Variants in LRFN2 observed in about 807,000 individuals in gnomAD.
The protein encoded by LRFN2 is leucine rich repeat and fibronectin type III domain containing 2.
In LRFN2, 18 loss-of-function variants were observed where a neutral mutation model predicts 37.3. The ratio of observed to expected loss-of-function variants is 0.48; its 90% confidence interval spans 0.33 to 0.72. The LOEUF (loss-of-function observed/expected upper bound fraction) is 0.72, where lower values mean the gene tolerates loss of function less well. Ranked by LOEUF, LRFN2 falls within the 30% of genes least tolerant of loss-of-function variation. The probability of loss-of-function intolerance (pLI) is 0.02; values close to 1 mark genes in which losing one functional copy is unlikely to be tolerated. For synonymous variants in LRFN2, 556 were observed against 466.6 expected (o/e 1.19, Z -2.47); for missense variants, 1,006 against 1,060.7 (o/e 0.95, Z 0.72).
intron 1 of LRFN2, among the ~76,000 whole-genome samples, chr6:40,552,430 A>G (rs1322090941): frequency 6.6e-6 from 1 of 152,244 alleles, no homozygotes; most frequent in African/African-American, 2.4e-5. Context: ...TTTGAATAGC[A>G]AAGCTCTCTA....
intron 1 of LRFN2, among the ~76,000 whole-genome samples, chr6:40,509,071 A>T (rs1020519529): frequency 5.3e-5 from 8 of 152,084 alleles, no homozygotes; most frequent in Admixed American, 5.2e-4. Flanking sequence ...TGGATTATTC[A>T]CTCATGCACC....
rs1297866973 is a variant in LRFN2 at position 40,391,974 on chromosome 6, C to T, written c.2339G>A (p.Ser780Asn). The change falls in exon 3 of 3, where the codon AGC becomes AAC. Residue 780 changes from serine to asparagine, a missense_variant. Transcript: ENST00000338305. The part of the protein sequence containing the change: ...DLVGARGTFG[S>N]SEWVMESTV ...CGTGCTCTCCATCACCCATTCGGAGCTGCCAAAAGTCCCCCGGGCCCCCAC... is the reference window on the plus strand; with the variant it reads ...CGTGCTCTCCATCACCCATTCGGAGTTGCCAAAAGTCCCCCGGGCCCCCAC... 1 of 1,595,022 alleles carries T rather than the reference C, an allele frequency of 6.3e-7. No homozygotes were observed. The highest frequency in any genetic ancestry group is 1.7e-5 in the Admixed American group (1 of 58,358).
At chr6:40,485,689 G>A (rs922879083) in intron 1 of LRFN2, among the ~76,000 whole-genome samples, 1 of 152,220 alleles carries the variant, frequency 6.6e-6, no homozygotes, top group Non-Finnish European at 1.5e-5. Context: ...TTAAGGTAGA[G>A]TACACCCAAC....
intron 1 of LRFN2, among the ~76,000 whole-genome samples, chr6:40,551,353 C>T (rs1766775598): frequency 6.6e-6 from 1 of 152,198 alleles, no homozygotes; most frequent in Non-Finnish European, 1.5e-5. Context: ...GGGAGGACGT[C>T]AGCTCGAGGA....
chr6:40,402,275 G>T (rs993052361), intron 2 of LRFN2, among the ~76,000 whole-genome samples: 7 of 152,096 alleles, frequency 4.6e-5, no homozygotes, highest in Non-Finnish European at 7.4e-5. Context: ...AGAAACTAAG[G>T]CTCAGGCAGA....
At chr6:40,584,554 C>T (rs893534251) in intron 1 of LRFN2, among the ~76,000 whole-genome samples, 13 of 152,134 alleles carry the variant, frequency 8.5e-5, no homozygotes, top group African/African-American at 3.1e-4. Flanking sequence ...TTGTTTATTG[C>T]TATATGTCTC....
chr6:40,424,099 A>C (rs1254939479), intron 2 of LRFN2, among the ~76,000 whole-genome samples: 1 of 152,144 alleles, frequency 6.6e-6, no homozygotes, highest in East Asian at 1.9e-4. Context: ...CAACTTTGTC[A>C]CTTCACAGTG....
chr6:40,475,473 T>TG, intron 1 of LRFN2, among the ~76,000 whole-genome samples: 1 of 152,006 alleles, frequency 6.6e-6, no homozygotes, highest in African/African-American at 2.4e-5. Context: ...CAGGGGCTGG[T>TG]GGGGTGTCAT....
chr6:40,428,022 C>T (rs1763393651), intron 2 of LRFN2, among the ~76,000 whole-genome samples: 1 of 152,214 alleles, frequency 6.6e-6, no homozygotes, highest in East Asian at 1.9e-4. Flanking sequence ...CTGCTACTTA[C>T]CCCCTGTTTA....
chr6:40,550,735 G>A (rs1766761818), intron 1 of LRFN2, among the ~76,000 whole-genome samples: 2 of 152,102 alleles, frequency 1.3e-5, no homozygotes, highest in Non-Finnish European at 2.9e-5. Context: ...TGGGTGTGTT[G>A]AGGTGTAAAC....
At chr6:40,435,175 G>A (rs1326148286) in intron 1 of LRFN2, among the ~76,000 whole-genome samples, 3 of 147,966 alleles carry the variant, frequency 2.0e-5, no homozygotes, top group Non-Finnish European at 3.0e-5. Flanking sequence ...GAGAGAGAGA[G>A]AGAGAGACAG....
At chr6:40,492,323 C>G (rs1382060336) in intron 1 of LRFN2, among the ~76,000 whole-genome samples, 2 of 152,164 alleles carry the variant, frequency 1.3e-5, no homozygotes, top group Non-Finnish European at 2.9e-5. Flanking sequence ...AACCTGCTCT[C>G]CTTCCTGCTC....
At chr6:40,568,625 T>C (rs991112645) in intron 1 of LRFN2, among the ~76,000 whole-genome samples, 4 of 152,212 alleles carry the variant, frequency 2.6e-5, no homozygotes, top group Non-Finnish European at 1.5e-5. Context: ...CTGAGTCAGA[T>C]GGCCAATTCA....
At chr6:40,450,690 T>C (rs1764083420) in intron 1 of LRFN2, among the ~76,000 whole-genome samples, 1 of 152,258 alleles carries the variant, frequency 6.6e-6, no homozygotes, top group Non-Finnish European at 1.5e-5. Context: ...ACAGAACATT[T>C]ACTGAGAACT....
Position 40,553,402 on chromosome 6 carries a change from G to T in LRFN2, c.-19+33539C>A, listed in dbSNP as rs558085599. Among the ~76,000 whole-genome samples the T allele has an allele frequency of 3.7e-4, 56 of 152,186 alleles. 1 individual carries two copies. The highest frequency in any genetic ancestry group is 3.7e-3 in the Admixed American group (56 of 15,280). Reference sequence around the variant, plus strand: ...AAAGCCACAAGGGAAACTGAGTCACGTCAAAGGAAAGCTGGATACTCTCTA... The same window carrying T: ...AAAGCCACAAGGGAAACTGAGTCACTTCAAAGGAAAGCTGGATACTCTCTA... On this transcript the variant is annotated intron_variant, in intron 1 of 2. Coordinates refer to ENST00000338305, the MANE Select transcript of LRFN2 (RefSeq NM_020737.3).
At chr6:40,404,638 A>T (rs546937946) in intron 2 of LRFN2, among the ~76,000 whole-genome samples, 12 of 152,332 alleles carry the variant, frequency 7.9e-5, no homozygotes, top group African/African-American at 2.6e-4. Context: ...AGAACATGCT[A>T]TGCAGCCCTA....
chr6:40,497,418 C>T (rs1014060220), intron 1 of LRFN2, among the ~76,000 whole-genome samples: 1 of 152,188 alleles, frequency 6.6e-6, no homozygotes, highest in South Asian at 2.1e-4. Flanking sequence ...TTCTGTGAGC[C>T]TTCCCTGTGC....
At position 40,459,676 on chromosome 6, in the gene LRFN2, C is replaced by T. The variant is rs114639017; in HGVS notation, c.-18-26545G>A. 2.5e-3 allele frequency among the ~76,000 whole-genome samples: 376 copies of T among 152,294 alleles called. 2 individuals carry two copies. Among genetic ancestry groups the T allele is most frequent in the African/African-American group, 8.6e-3 (359 of 41,572 alleles). On this transcript the variant is annotated intron_variant, in intron 1 of 2. Coordinates refer to ENST00000338305, the MANE Select transcript of LRFN2 (RefSeq NM_020737.3). ...ACAACCAGGTCAGTTGCTCCCATGT[C>T]CAAATACCAAGGCACTTTCACCTAT...
intron 1 of LRFN2, among the ~76,000 whole-genome samples, chr6:40,531,928 C>A (rs979027925): frequency 2.0e-5 from 3 of 152,190 alleles, no homozygotes; most frequent in Non-Finnish European, 2.9e-5. Flanking sequence ...CTAAAGCAGT[C>A]TCCGTGCTGG....
Sources: allele counts gnomAD v4.1 joint callset (sites outside exome capture counted in the v4.1 genomes callset), GRCh38; gene constraint gnomAD v4.1.1; transcripts MANE v1.5; gene names NCBI Gene and HGNC (gene_info 2026-07-23, HGNC 2026-07-21).